The following PIWIL2 variants were observed in gnomAD, a reference collection of about 807,000 sequenced individuals.
PIWIL2 encodes piwi like RNA-mediated gene silencing 2.
Under a neutral mutation model 116.5 loss-of-function variants are expected in PIWIL2, and 81 were observed. The observed-to-expected ratio is 0.70, with a 90% confidence interval of 0.58 to 0.84. PIWIL2 has a LOEUF of 0.84. Among genes scored for constraint, PIWIL2 ranks in the 40% least tolerant of loss-of-function variants. The pLI is 0.00. For synonymous variants in PIWIL2, 489 were observed against 429.5 expected (o/e 1.14, Z -1.71); for missense variants, 1,272 against 1,212.3 (o/e 1.05, Z -0.73).
intron 10 of PIWIL2, among the ~76,000 whole-genome samples, chr8:22,296,240 T>G (rs1244525608): frequency 6.6e-6 from 1 of 151,820 alleles, no homozygotes; most frequent in African/African-American, 2.4e-5. Flanking sequence ...AGAGACAGGG[T>G]CTCACCACAT....
At chr8:22,321,373 A>G (rs1181884015) in intron 20 of PIWIL2, among the ~76,000 whole-genome samples, 2 of 152,130 alleles carry the variant, frequency 1.3e-5, no homozygotes, top group East Asian at 1.9e-4. Flanking sequence ...TCAGCTTCCC[A>G]AAGTGCTGGG....
At chr8:22,355,229 G>A (rs1371751428) in intron 22 of PIWIL2, 120 bp from the exon 23 acceptor site, 4 of 863,328 alleles carry the variant, frequency 4.6e-6, no homozygotes, top group African/African-American at 3.3e-5. Flanking sequence ...GTATTCCTCT[G>A]CTCCCCAGTT....
At chr8:22,344,020 G>A (rs959632168) in intron 20 of PIWIL2, among the ~76,000 whole-genome samples, 1 of 152,210 alleles carries the variant, frequency 6.6e-6, no homozygotes, top group African/African-American at 2.4e-5. Flanking sequence ...AAACTGTCAT[G>A]CATCCAGACA....
At chr8:22,333,639 G>T (rs1346075861) in intron 20 of PIWIL2, among the ~76,000 whole-genome samples, 7 of 151,904 alleles carry the variant, frequency 4.6e-5, no homozygotes, top group Non-Finnish European at 7.4e-5. Context: ...AAATGTTTCT[G>T]AACATTTATA....
intron 20 of PIWIL2, among the ~76,000 whole-genome samples, chr8:22,329,093 C>T (rs1308997199): frequency 6.6e-6 from 1 of 151,934 alleles, no homozygotes; most frequent in Non-Finnish European, 1.5e-5. Flanking sequence ...ATGATGTTAG[C>T]TCTGAGTTTT....
intron 1 of PIWIL2, among the ~76,000 whole-genome samples, chr8:22,278,551 C>G (rs549851513): frequency 9.2e-5 from 14 of 152,324 alleles, no homozygotes; most frequent in African/African-American, 3.4e-4. Context: ...AGCTAGTTAA[C>G]TCACAGGACT....
At position 22,288,635 on chromosome 8, in the gene PIWIL2, T is replaced by A; in HGVS notation, c.955T>A (p.Cys319Ser). The A allele has an allele frequency of 6.2e-7, 1 of 1,613,056 alleles. No individual in the cohort carries two copies. The highest frequency in any genetic ancestry group is 1.1e-5 in the South Asian group (1 of 90,926). ...GATCCTGGAGCCCTGCTCTGACCTG[T>A]GCATTCCCTTCTACAATGTTGTTTT... is the stretch of plus-strand genomic sequence containing the variant. The part of the protein sequence containing the change: ...TKILEPCSDL[C>S]IPFYNVVFRR... The change falls in exon 8 of 23, where the codon TGC becomes AGC. Residue 319 changes from cysteine to serine, a missense_variant. Cys to Ser is a moderately radical substitution (Grantham distance 112). Coordinates refer to ENST00000356766, the MANE Select transcript of PIWIL2 (RefSeq NM_018068.5).
chr8:22,308,175 A>G (rs568185712), intron 14 of PIWIL2, 102 bp downstream of exon 14: 21 of 930,666 alleles, frequency 2.3e-5, no homozygotes, highest in East Asian at 1.8e-4. Flanking sequence ...ATGTTTGTCC[A>G]TGTCATTTAA....
intron 20 of PIWIL2, among the ~76,000 whole-genome samples, chr8:22,339,916 G>A (rs1485641947): frequency 6.6e-6 from 1 of 152,124 alleles, no homozygotes; most frequent in Non-Finnish European, 1.5e-5. Flanking sequence ...GCCATGAGAT[G>A]CCACTTCACA....
At chr8:22,290,145 G>A in intron 9 of PIWIL2, 88 bp from the exon 10 acceptor site, 1 of 782,210 alleles carries the variant, frequency 1.3e-6, no homozygotes, top group Non-Finnish European at 2.1e-6. Context: ...GGGAAGGGCA[G>A]TATCACCTCA....
chr8:22,343,279 C>A (rs1283589096), intron 20 of PIWIL2, among the ~76,000 whole-genome samples: 1 of 152,130 alleles, frequency 6.6e-6, no homozygotes, highest in African/African-American at 2.4e-5. Context: ...TGGCGCATGA[C>A]TGTAATCCTG....
intron 20 of PIWIL2, chr8:22,322,120 T>C: frequency 4.2e-6 from 1 of 239,258 alleles, no homozygotes; most frequent in Non-Finnish European, 6.8e-6. Context: ...TTTTCCCTCA[T>C]TGTCAACGTC....
At chr8:22,276,742 T>C (rs188036521) in intron 1 of PIWIL2, among the ~76,000 whole-genome samples, 1,817 of 152,118 alleles carry the variant, frequency 0.012, 35 homozygotes, top group Admixed American at 0.043. Context: ...CTCTACAAAT[T>C]TTTTTTAAAA....
chr8:22,330,745 A>AAATAAATAAATAAAT (rs1181049865), intron 20 of PIWIL2, among the ~76,000 whole-genome samples: 8 of 122,160 alleles, frequency 6.5e-5, no homozygotes, highest in Non-Finnish European at 7.4e-5. Flanking sequence ...AATAAATAAA[A>AAATAAATAAATAAAT]ATAGTTGATA....
Position 22,311,212 on chromosome 8 carries a change from T to A in PIWIL2, c.1901T>A (p.Met634Lys). ...GAGAAGATAGCCGGCCCCATTGGCATGCGTATGAGCCCACCGGCCTGGGTT... is the reference window on the plus strand; with the variant it reads ...GAGAAGATAGCCGGCCCCATTGGCAAGCGTATGAGCCCACCGGCCTGGGTT... Reference protein sequence around the residue: ...MLEKIAGPIGMRMSPPAWVEL... With the variant: ...MLEKIAGPIGKRMSPPAWVEL... The change falls in exon 16 of 23, where the codon ATG becomes AAG. Residue 634 changes from methionine (M) to lysine (K), a missense_variant. Physicochemically the swap from Met to Lys is moderately conservative, Grantham distance 95. Transcript: ENST00000356766. 6.2e-7 allele frequency: 1 copy of A among 1,614,190 alleles called. No individual in the cohort carries two copies.
chr8:22,347,002 T>G (rs1005016122), intron 20 of PIWIL2, among the ~76,000 whole-genome samples: 1 of 151,420 alleles, frequency 6.6e-6, no homozygotes, highest in Non-Finnish European at 1.5e-5. Flanking sequence ...AGACCTCATA[T>G]GTATAAAAAA....
At chr8:22,285,060 A>G (rs573936024) in intron 6 of PIWIL2, among the ~76,000 whole-genome samples, 13 of 152,296 alleles carry the variant, frequency 8.5e-5, no homozygotes, top group African/African-American at 3.1e-4. Flanking sequence ...CATATGTGTC[A>G]CCTCACCTAC....
intron 20 of PIWIL2, among the ~76,000 whole-genome samples, chr8:22,334,156 G>T (rs1831925776): frequency 2.0e-5 from 3 of 151,610 alleles, no homozygotes; most frequent in Admixed American, 2.0e-4. Flanking sequence ...TGTATTTTTA[G>T]TATAGATGGG....
chr8:22,342,539 CA>C (rs1009294119), intron 20 of PIWIL2, among the ~76,000 whole-genome samples: 1 of 152,106 alleles, frequency 6.6e-6, no homozygotes, highest in African/African-American at 2.4e-5. Flanking sequence ...ACAATCTTTT[CA>C]AAAAATGGTG....
Sources: allele counts gnomAD v4.1 joint callset (sites outside exome capture counted in the v4.1 genomes callset), GRCh38; gene constraint gnomAD v4.1.1; transcripts MANE v1.5; gene names NCBI Gene and HGNC (gene_info 2026-07-23, HGNC 2026-07-21).